MAPRE2: variants seen among roughly 807,000 people sequenced by gnomAD.
MAPRE2 encodes the protein microtubule associated protein RP/EB family member 2, also known as microtubule-associated protein RP/EB family member 2.
In MAPRE2, 13 loss-of-function variants were observed where a neutral mutation model predicts 43.2. The ratio of observed to expected loss-of-function variants is 0.30; its 90% CI spans 0.20 to 0.48. The LOEUF (loss-of-function observed/expected upper bound fraction) is 0.48. Among genes scored for constraint, MAPRE2 ranks in the 20% least tolerant of loss-of-function variants. The pLI, the probability that MAPRE2 is intolerant of heterozygous loss-of-function variation, is 0.99. For synonymous variants in MAPRE2, 135 were observed against 148.8 expected, an observed-to-expected ratio of 0.91 and a Z score of 0.68; for missense variants, 161 against 400.2, an observed-to-expected ratio of 0.40 and a Z score of 5.10.
intron 1 of MAPRE2, among the ~76,000 whole-genome samples, chr18:35,002,984 G>T (rs1486612371): frequency 6.6e-6 from 1 of 152,094 alleles, no homozygotes; most frequent in African/African-American, 2.4e-5. Context: ...CGATCCTAAA[G>T]ATTTTCTCCT....
At chr18:35,056,014 T>C (rs946647731) in intron 1 of MAPRE2, among the ~76,000 whole-genome samples, 27 of 152,038 alleles carry the variant, frequency 1.8e-4, no homozygotes, top group African/African-American at 6.0e-4. Context: ...AACTGGGTGA[T>C]GGAACAGTGG....
chr18:35,016,718 G>A (rs531107112), intron 2 of MAPRE2, among the ~76,000 whole-genome samples: 12 of 152,046 alleles, frequency 7.9e-5, no homozygotes, highest in Admixed American at 7.9e-4. Flanking sequence ...TTTGTTGGAT[G>A]CATAGTTTGT....
chr18:35,035,311 AT>A lies in MAPRE2; in HGVS notation c.-8+29759del, dbSNP rs528304547. ...CTCACTCGTAGGTGGGAATTGAACA[AT>A]GAGAACACATGGACAAAGGAGGGGG... On this transcript the variant is annotated intron_variant, in intron 2 of 7. Transcript: ENST00000413393. Among the ~76,000 whole-genome samples the A allele has an allele frequency of 3.2e-3, 476 of 149,730 alleles. 1 individual carries two copies. Among genetic ancestry groups the A allele is most frequent in the African/African-American group, 0.011 (442 of 40,846 alleles).
intron 2 of MAPRE2, among the ~76,000 whole-genome samples, chr18:35,009,130 G>A (rs138400918): frequency 1.4e-4 from 21 of 152,176 alleles, no homozygotes; most frequent in Non-Finnish European, 2.8e-4. Context: ...ATATGTAAAC[G>A]ACTTTAGTAA....
chr18:34,990,019 T>G (rs620603), intron 1 of MAPRE2, among the ~76,000 whole-genome samples: 128,659 of 152,148 alleles, frequency 0.85, 54,761 homozygotes, highest in East Asian at 0.97. Flanking sequence ...CAATAAACTT[T>G]CATTCATTTC....
At chr18:35,117,867 A>G (rs980571521) in intron 4 of MAPRE2, among the ~76,000 whole-genome samples, 7 of 152,184 alleles carry the variant, frequency 4.6e-5, no homozygotes, top group African/African-American at 1.4e-4. Context: ...AAGAAATAGC[A>G]TGTTGAAATA....
At chr18:35,028,912 T>C (rs1421308522) in intron 2 of MAPRE2, among the ~76,000 whole-genome samples, 2 of 152,230 alleles carry the variant, frequency 1.3e-5, no homozygotes, top group African/African-American at 2.4e-5. Context: ...TATTAACTCA[T>C]TATGTCTCAC....
At chr18:35,011,876 T>C (rs1453723058) in intron 2 of MAPRE2, among the ~76,000 whole-genome samples, 1 of 151,782 alleles carries the variant, frequency 6.6e-6, no homozygotes, top group African/African-American at 2.4e-5. Context: ...TTCAGTGCTA[T>C]GAAGAGAAGT....
chr18:34,994,837 T>C (rs1217830257), intron 1 of MAPRE2, among the ~76,000 whole-genome samples: 1 of 152,178 alleles, frequency 6.6e-6, no homozygotes, highest in Non-Finnish European at 1.5e-5. Context: ...TTAAGTGGCA[T>C]GCCCAAAGTC....
intron 1 of MAPRE2, among the ~76,000 whole-genome samples, chr18:34,999,734 T>C (rs1376880912): frequency 6.6e-6 from 1 of 152,236 alleles, no homozygotes; most frequent in Non-Finnish European, 1.5e-5. Flanking sequence ...GAATGAGTTG[T>C]ACCAGACTTA....
chr18:35,066,243 C>G (rs1403690822), intron 1 of MAPRE2, among the ~76,000 whole-genome samples: 1 of 152,200 alleles, frequency 6.6e-6, no homozygotes. Context: ...TAAGGACTAG[C>G]AGTCGTGAAT....
chr18:35,092,210 C>T (rs958183705), intron 2 of MAPRE2, among the ~76,000 whole-genome samples: 4 of 152,188 alleles, frequency 2.6e-5, no homozygotes, highest in African/African-American at 4.8e-5. Flanking sequence ...TTGGGGATTA[C>T]AATTGAACAT....
chr18:35,053,743 A>G (rs1355429216), intron 1 of MAPRE2, among the ~76,000 whole-genome samples: 1 of 152,224 alleles, frequency 6.6e-6, no homozygotes, highest in Non-Finnish European at 1.5e-5. Flanking sequence ...GATGAGAACT[A>G]ATGAACACAA....
intron 6 of MAPRE2, among the ~76,000 whole-genome samples, chr18:35,136,570 T>C (rs750347069): frequency 1.3e-5 from 2 of 152,162 alleles, no homozygotes; most frequent in Non-Finnish European, 2.9e-5. Context: ...TGTTGGATGT[T>C]ACAGGGTGAC....
At chr18:35,017,309 G>A (rs1360168834) in intron 2 of MAPRE2, among the ~76,000 whole-genome samples, 2 of 142,328 alleles carry the variant, frequency 1.4e-5, no homozygotes, top group African/African-American at 5.3e-5. Flanking sequence ...GTTCCATATG[G>A]AATTTTATAA....
chr18:34,993,207 T>G (rs2097024656), intron 1 of MAPRE2, among the ~76,000 whole-genome samples: 1 of 151,744 alleles, frequency 6.6e-6, no homozygotes, highest in South Asian at 2.1e-4. Context: ...CGGGCTCAAG[T>G]GACCCTCCCA....
chr18:35,118,741 C>T (rs1194898804), intron 4 of MAPRE2, among the ~76,000 whole-genome samples: 4 of 152,170 alleles, frequency 2.6e-5, no homozygotes, highest in Non-Finnish European at 2.9e-5. Context: ...AGGTCCTTTG[C>T]GACCTGCCCT....
rs1460243307 is a variant in MAPRE2, at chr18:35,108,853, C to T, written c.610+6694C>T. ...CTTTCTTGTAAATATATTTAAGTTC[C>T]GTGTAAATTCTGAATATTAGACCGT... is the stretch of plus-strand genomic sequence containing the variant. On this transcript the variant is annotated intron_variant, in intron 4 of 6. Transcript: ENST00000300249. Among the ~76,000 whole-genome samples the T allele has an allele frequency of 9.2e-5, 14 of 151,734 alleles. 1 individual carries two copies. The highest frequency in any genetic ancestry group is 4.6e-4 in the Admixed American group (7 of 15,250).
rs1358353509 is a variant in MAPRE2, at chr18:35,141,882, T to G, written c.*1513T>G. 6.6e-6 allele frequency: 1 copy of G among 152,240 alleles called. No homozygotes were observed. Among genetic ancestry groups the G allele is most frequent in the Non-Finnish European group, 1.5e-5 (1 of 68,046 alleles). The allele number at this position is 152,240 out of a possible 1,614,324, so 9.4% of individuals were successfully genotyped here. On this transcript the variant is annotated 3_prime_UTR_variant, in exon 7 of 7. Coordinates refer to ENST00000300249, the MANE Select transcript of MAPRE2 (RefSeq NM_014268.4). Reference sequence around the variant, plus strand: ...TGAAGCTTTGAAATTTCTTTATTAATCGATGAAATATGAATTCTAAATTCT... The same window carrying G: ...TGAAGCTTTGAAATTTCTTTATTAAGCGATGAAATATGAATTCTAAATTCT...
Sources: allele counts gnomAD v4.1 joint callset (sites outside exome capture counted in the v4.1 genomes callset), GRCh38; gene constraint gnomAD v4.1.1; transcripts MANE v1.5; gene names NCBI Gene and HGNC (gene_info 2026-07-23, HGNC 2026-07-21).